Variants in MSANTD2 observed in about 807,000 individuals in gnomAD.
The protein encoded by MSANTD2 is Myb/SANT DNA binding domain containing 2, also known as myb/SANT-like DNA-binding domain-containing protein 2.
In MSANTD2, 19 loss-of-function variants were observed where a neutral mutation model predicts 52.6. That is an observed-to-expected ratio of 0.36 (90% CI 0.25 to 0.53). The LOEUF is 0.53. MSANTD2 is among the 20% of genes least tolerant of loss of function. The pLI is 0.91. For missense variants in MSANTD2, 558 were observed against 716.3 expected (o/e 0.78, Z 2.52); for synonymous variants, 291 against 289.7 (o/e 1.00, Z -0.04).
chr11:124,778,273 T>A (rs1451260149), intron 1 of MSANTD2, among the ~76,000 whole-genome samples: 4 of 152,248 alleles, frequency 2.6e-5, no homozygotes, highest in Non-Finnish European at 5.9e-5. Context: ...CTTGCTTCCC[T>A]TTCTTCTTCC....
intron 3 of MSANTD2, among the ~76,000 whole-genome samples, chr11:124,772,690 T>C (rs941310115): frequency 3.6e-5 from 5 of 139,992 alleles, no homozygotes; most frequent in African/African-American, 1.1e-4. Flanking sequence ...TGAGCAGAGA[T>C]TGCACCACTG....
intron 3 of MSANTD2, among the ~76,000 whole-genome samples, chr11:124,770,005 C>A (rs890953294): frequency 4.6e-5 from 7 of 152,210 alleles, no homozygotes; most frequent in African/African-American, 1.7e-4. Context: ...AGATTCAAAC[C>A]AGCATTTCAA....
rs571106311 is a variant in MSANTD2 at position 124,781,652 on chromosome 11, CTTT to C, written c.511-6681_511-6679del. ...CTGTTCCTATTGTGATCATCAATGT[CTTT>C]TTTTTTTTTTTTTTTGAGACAGATT... On this transcript the variant is annotated intron_variant, in intron 1 of 3. Transcript: ENST00000374979. Among the ~76,000 whole-genome samples the C allele has an allele frequency of 3.9e-4, 52 of 134,176 alleles. 1 individual carries two copies. The highest frequency in any genetic ancestry group is 8.8e-4 in the African/African-American group (30 of 34,168). 88.0% of individuals were successfully genotyped at this position (134,176 alleles called of 152,430 possible). A position where few individuals can be genotyped will look rare whatever the true frequency, so the allele number is the denominator to read the frequency against.
chr11:124,777,512 G>C (rs551946585), intron 1 of MSANTD2, among the ~76,000 whole-genome samples: 11 of 152,230 alleles, frequency 7.2e-5, no homozygotes, highest in Non-Finnish European at 5.9e-5. Context: ...ACCAAATTGA[G>C]CTTAATACTT....
rs1944365650 is a variant in MSANTD2 at position 124,768,013 on chromosome 11, C to T, written c.843G>A (p.Met281Ile). 1 of 1,601,890 alleles carries T rather than the reference C, an allele frequency of 6.2e-7. No homozygotes were observed. Among genetic ancestry groups the T allele is most frequent in the African/African-American group, 1.3e-5 (1 of 74,642 alleles). Residue 281 changes from methionine (M) to isoleucine (I), a missense_variant, in exon 4 of 4, where the codon ATG becomes ATA. By Grantham distance (10) the Met-to-Ile change is conservative. Around this residue, in one of 2 missense-constraint regions of MSANTD2, gnomAD observed 408 missense variants for 573.6 expected, o/e 0.71. Coordinates refer to ENST00000374979, the MANE Select transcript of MSANTD2 (RefSeq NM_001308027.2). ...ATTCCAAAATCTGTACAATATTCTG[C>T]ATGATGTCTCTCTTCCTGGAAAGAC... is the stretch of plus-strand genomic sequence containing the variant. ...SSEEAQKRDI[M>I]QNIVQILESV...
intron 1 of MSANTD2, among the ~76,000 whole-genome samples, chr11:124,787,586 G>A (rs186108758): frequency 1.5e-4 from 23 of 152,266 alleles, no homozygotes; most frequent in Middle Eastern, 3.4e-3. Context: ...TCACCATACT[G>A]GCCAGGCTGG....
chr11:124,777,897 A>G (rs561610782), intron 1 of MSANTD2, among the ~76,000 whole-genome samples: 1 of 125,088 alleles, frequency 8.0e-6, no homozygotes, highest in African/African-American at 5.3e-5. Flanking sequence ...AATCACATCA[A>G]CTAAGAAAAA....
chr11:124,784,676 G>C, intron 1 of MSANTD2: 1 of 984,548 alleles, frequency 1.0e-6, no homozygotes, highest in South Asian at 4.7e-5. Context: ...CAGTTCTGTA[G>C]TTATTTTCTC....
rs79215037 is a variant in MSANTD2, at chr11:124,798,846, A to G, written c.510+1025T>C. ...GCTGTATCAGAAAAGAAGTGCACAG[A>G]TAATAGGATAAGTAGTTCAGTAAAA... On this transcript the variant is annotated intron_variant, in intron 1 of 3. Transcript: ENST00000374979. Among the ~76,000 whole-genome samples, 170 of 152,308 alleles carry G rather than the reference A, an allele frequency of 1.1e-3. 1 individual carries two copies. Among genetic ancestry groups the G allele is most frequent in the African/African-American group, 2.7e-3 (111 of 41,570 alleles).
Position 124,780,157 on chromosome 11 carries a change from A to G in MSANTD2, c.511-5183T>C, listed in dbSNP as rs1591456517. On this transcript the variant is annotated intron_variant, in intron 1 of 3. Coordinates refer to ENST00000374979, the MANE Select transcript of MSANTD2 (RefSeq NM_001308027.2). ...ACAATATCTTATGTAGCATACATAA[A>G]TAAAAAAACATTTCTGCACACAGTA... Among the ~76,000 whole-genome samples the G allele has an allele frequency of 4.6e-5, 7 of 152,332 alleles. No individual in the cohort carries two copies. The East Asian group carries it at 1.3e-3, about 29-fold the overall frequency.
chr11:124,791,342 C>T (rs1945327112), intron 1 of MSANTD2: 1 of 1,405,394 alleles, frequency 7.1e-7, no homozygotes, highest in East Asian at 2.3e-5. Context: ...GCCCCTACAG[C>T]TGCTCCGTGA....
intron 1 of MSANTD2, chr11:124,790,799 C>T (rs1237744130): frequency 6.1e-6 from 1 of 164,338 alleles, no homozygotes; most frequent in East Asian, 1.8e-4. Flanking sequence ...ACTTCCCACT[C>T]CCCTGCTTCA....
chr11:124,784,192 C>T, intron 1 of MSANTD2: 2 of 985,312 alleles, frequency 2.0e-6, no homozygotes, highest in Non-Finnish European at 2.4e-6. Flanking sequence ...AAAGAACTGA[C>T]TGGGATTAGA....
intron 3 of MSANTD2, among the ~76,000 whole-genome samples, chr11:124,769,321 T>A (rs1944415741): frequency 6.6e-6 from 1 of 152,192 alleles, no homozygotes; most frequent in African/African-American, 2.4e-5. Context: ...TTACCCTCTA[T>A]CCTTTAGTTT....
chr11:124,768,085 A>G, intron 3 of MSANTD2, 57 bp from the exon 4 acceptor site: 1 of 1,508,910 alleles, frequency 6.6e-7, no homozygotes, highest in Non-Finnish European at 8.9e-7. Context: ...GGTGTCAGAT[A>G]GAACTTTCTG....
At position 124,774,681 on chromosome 11, in the gene MSANTD2, T is replaced by C. The variant is rs1944670214; in HGVS notation, c.766+38A>G. On this transcript the variant is annotated intron_variant, in intron 2 of 3. Coordinates refer to ENST00000374979, the MANE Select transcript of MSANTD2 (RefSeq NM_001308027.2). The surrounding 1 kb of genome is among the most constrained non-coding windows in gnomAD (Gnocchi z 5.1). ...GCACATACATAAAGGTATATAAATATACACAAACATAAGTATCATATATGT... is the reference window on the plus strand; with the variant it reads ...GCACATACATAAAGGTATATAAATACACACAAACATAAGTATCATATATGT... The C allele has an allele frequency of 6.3e-7, 1 of 1,594,674 alleles. No individual in the cohort carries two copies. Among genetic ancestry groups the C allele is most frequent in the Non-Finnish European group, 8.6e-7 (1 of 1,166,266 alleles).
chr11:124,773,179 A>G (rs971729857), intron 2 of MSANTD2, 125 bp from the exon 3 acceptor site: 1 of 616,482 alleles, frequency 1.6e-6, no homozygotes, highest in Non-Finnish European at 2.9e-6. Flanking sequence ...TTCTAGTGTC[A>G]AACACTGTCC....
Position 124,771,830 on chromosome 11 carries a change from A to G in MSANTD2, c.827+1164T>C, listed in dbSNP as rs140259023. Reference sequence around the variant, plus strand: ...CAGCCCTTTTTGCCTCTTCTCTACCATCTCTCAGACATCAAGATCACATGT... The same window carrying G: ...CAGCCCTTTTTGCCTCTTCTCTACCGTCTCTCAGACATCAAGATCACATGT... On this transcript the variant is annotated intron_variant, in intron 3 of 3. Transcript: ENST00000374979. 1.3e-4 allele frequency among the ~76,000 whole-genome samples: 20 copies of G among 152,290 alleles called. No homozygotes were observed. In the East Asian group the frequency reaches 3.9e-3, roughly 29 times the overall value.
chr11:124,792,456 T>C (rs562656366), intron 1 of MSANTD2: 1 of 152,238 alleles, frequency 6.6e-6, no homozygotes, highest in African/African-American at 2.4e-5. Context: ...CTTTGGTAAG[T>C]ATATCTCATT....
Sources: gnomAD v4.1 joint callset for allele counts (sites outside exome capture counted in the v4.1 genomes callset) on GRCh38, gnomAD v4.1.1 for gene constraint, gnomAD v4.1.1 regional missense constraint, Gnocchi (gnomAD v3.1) non-coding constraint, MANE v1.5 for transcripts, NCBI Gene and HGNC (gene_info 2026-07-23, HGNC 2026-07-21) for gene names.